FHIT: variants seen among roughly 807,000 people sequenced by gnomAD.
The protein encoded by FHIT is bis(5'-adenosyl)-triphosphatase.
In FHIT, 19 loss-of-function variants were observed where a neutral mutation model predicts 17.9. The ratio of observed to expected loss-of-function variants is 1.06; its 90% CI spans 0.74 to 1.56. The LOEUF is 1.56. Among genes scored for constraint, FHIT ranks in the 40% most tolerant of loss-of-function variants. The pLI, the probability that FHIT is intolerant of heterozygous loss-of-function variation, is 0.00. For synonymous variants in FHIT, 81 were observed against 69.7 expected (o/e 1.16, Z -0.81); for missense variants, 248 against 189.2 (o/e 1.31, Z -1.82).
At chr3:60,256,049 T>C (rs867615606) in intron 5 of FHIT, among the ~76,000 whole-genome samples, 1 of 152,144 alleles carries the variant, frequency 6.6e-6, no homozygotes, top group South Asian at 2.1e-4. Context: ...TGAATTCTAA[T>C]GTGGCCCACC....
intron 5 of FHIT, among the ~76,000 whole-genome samples, chr3:60,250,145 G>C (rs1420093462): frequency 6.6e-6 from 1 of 152,036 alleles, no homozygotes; most frequent in Non-Finnish European, 1.5e-5. Context: ...AGAAAAAAAA[G>C]AGAAGGAAAG....
intron 5 of FHIT, among the ~76,000 whole-genome samples, chr3:60,085,398 C>T (rs1441905940): frequency 6.6e-6 from 1 of 152,034 alleles, no homozygotes; most frequent in Non-Finnish European, 1.5e-5. Flanking sequence ...TTATATCTTC[C>T]CTTTTCACTG....
chr3:60,837,109 C>T (rs80277290), intron 3 of FHIT, among the ~76,000 whole-genome samples: 3 of 152,186 alleles, frequency 2.0e-5, no homozygotes, highest in Non-Finnish European at 4.4e-5. Context: ...GCTTATTCCG[C>T]CTGTCTCAAG....
chr3:59,786,479 C>T (rs956320501), intron 8 of FHIT, among the ~76,000 whole-genome samples: 5 of 152,168 alleles, frequency 3.3e-5, no homozygotes, highest in African/African-American at 1.2e-4. Context: ...GAAACTTAGC[C>T]GGAAGCACTC....
chr3:59,992,359 T>C (rs1016472346), intron 7 of FHIT, among the ~76,000 whole-genome samples: 7 of 152,110 alleles, frequency 4.6e-5, no homozygotes, highest in Non-Finnish European at 1.0e-4. Flanking sequence ...CCAAGGGGTC[T>C]ATAGATGCCC....
chr3:60,203,690 T>C (rs990158217), intron 5 of FHIT, among the ~76,000 whole-genome samples: 8 of 152,138 alleles, frequency 5.3e-5, no homozygotes, highest in Admixed American at 4.6e-4. Context: ...CACACTGGTA[T>C]GAACAGCAAA....
rs556743488 is a variant in FHIT at position 60,116,664 on chromosome 3, T to C, written c.104-102512A>G. On this transcript the variant is annotated intron_variant, in intron 5 of 9. Transcript: ENST00000492590. Reference sequence around the variant, plus strand: ...AATATGTAGTCTACCTATCCTCTAATGGTGAAATAAAAAGTAGCCCCAATA... The same window carrying C: ...AATATGTAGTCTACCTATCCTCTAACGGTGAAATAAAAAGTAGCCCCAATA... 4.6e-5 allele frequency among the ~76,000 whole-genome samples: 7 copies of C among 152,226 alleles called. No individual in the cohort carries two copies. The East Asian group carries it at 1.4e-3, about 29-fold the overall frequency.
chr3:60,068,243 C>A (rs1185364719), intron 5 of FHIT, among the ~76,000 whole-genome samples: 2 of 150,598 alleles, frequency 1.3e-5, no homozygotes, highest in African/African-American at 2.4e-5. Context: ...TCAAAAAAAA[C>A]AAAACAAAAC....
chr3:60,044,098 A>T (rs1192940564), intron 5 of FHIT, among the ~76,000 whole-genome samples: 2 of 152,192 alleles, frequency 1.3e-5, no homozygotes, highest in African/African-American at 4.8e-5. Context: ...ACTTCTGCTG[A>T]AAAGTTCATT....
intron 2 of FHIT, among the ~76,000 whole-genome samples, chr3:61,188,655 T>C (rs1429114311): frequency 3.3e-5 from 5 of 152,022 alleles, no homozygotes; most frequent in African/African-American, 1.2e-4. Context: ...ACCAATATCC[T>C]TGATGAACAT....
intron 5 of FHIT, among the ~76,000 whole-genome samples, chr3:60,438,053 A>G (rs947646282): frequency 1.3e-5 from 2 of 152,050 alleles, no homozygotes; most frequent in Non-Finnish European, 2.9e-5. Context: ...ATGAGGCAGG[A>G]TAAGTAGTCA....
chr3:60,146,919 A>C (rs1291448646), intron 5 of FHIT, among the ~76,000 whole-genome samples: 1 of 152,254 alleles, frequency 6.6e-6, no homozygotes, highest in Non-Finnish European at 1.5e-5. Context: ...AGCTGTCTTC[A>C]GTTACAAATA....
intron 3 of FHIT, among the ~76,000 whole-genome samples, chr3:60,872,689 A>G (rs1192076931): frequency 1.3e-5 from 2 of 152,180 alleles, no homozygotes; most frequent in African/African-American, 4.8e-5. Flanking sequence ...ATGATCATTT[A>G]TTGAGACAAA....
At chr3:59,928,212 C>T (rs1705770871) in intron 7 of FHIT, among the ~76,000 whole-genome samples, 1 of 152,166 alleles carries the variant, frequency 6.6e-6, no homozygotes, top group Non-Finnish European at 1.5e-5. Context: ...ACGATAATGG[C>T]CACCTTCAAA....
chr3:60,023,659 A>G (rs546971115), intron 5 of FHIT, among the ~76,000 whole-genome samples: 2 of 152,296 alleles, frequency 1.3e-5, no homozygotes, highest in Admixed American at 1.3e-4. Context: ...AGAAATAGGA[A>G]ATGAGAGAAA....
intron 4 of FHIT, among the ~76,000 whole-genome samples, chr3:60,700,968 G>C (rs2041231545): frequency 6.6e-6 from 1 of 151,648 alleles, no homozygotes; most frequent in Non-Finnish European, 1.5e-5. Flanking sequence ...AATTTATATT[G>C]TTTAATGTAC....
intron 3 of FHIT, among the ~76,000 whole-genome samples, chr3:60,884,721 A>C (rs190081790): frequency 6.6e-6 from 1 of 151,944 alleles, no homozygotes; most frequent in Non-Finnish European, 1.5e-5. Context: ...ATTTGAGCCC[A>C]GGAGTTTGAG....
intron 2 of FHIT, among the ~76,000 whole-genome samples, chr3:61,187,688 T>A (rs906165579): frequency 3.3e-5 from 5 of 151,936 alleles, no homozygotes; most frequent in African/African-American, 4.8e-5. Context: ...GAAGTAAAGC[T>A]CTCCTCAGCA....
At chr3:60,755,520 T>A (rs2042554795) in intron 4 of FHIT, among the ~76,000 whole-genome samples, 1 of 152,208 alleles carries the variant, frequency 6.6e-6, no homozygotes, top group Admixed American at 6.5e-5. Flanking sequence ...AACCTCTGGT[T>A]TCTACAAAAC....
Sources: gnomAD v4.1 joint callset for allele counts (sites outside exome capture counted in the v4.1 genomes callset) on GRCh38, gnomAD v4.1.1 for gene constraint, MANE v1.5 for transcripts, NCBI Gene and HGNC (gene_info 2026-07-23, HGNC 2026-07-21) for gene names.